Variants in CDHR2 observed in about 807,000 individuals in gnomAD.
CDHR2 encodes cadherin-related family member 2.
A neutral mutation model predicts 138.6 loss-of-function variants in CDHR2; 104 were observed. The observed-to-expected ratio is 0.75, with a 90% CI of 0.64 to 0.88. The LOEUF is 0.88. CDHR2 is among the 40% of genes least tolerant of loss of function. The pLI, the probability that CDHR2 is intolerant of heterozygous loss-of-function variation, is 0.00. For missense variants in CDHR2, 1,624 were observed against 1,727.6 expected (o/e 0.94, Z 1.06); for synonymous variants, 755 against 742.8 (o/e 1.02, Z -0.27).
chr5:176,576,726 A>G lies in CDHR2; in HGVS notation c.1194+541A>G, dbSNP rs897709895. 3.9e-5 allele frequency among the ~76,000 whole-genome samples: 6 copies of G among 151,926 alleles called. No homozygotes were observed. The highest frequency in any genetic ancestry group is 1.5e-4 in the African/African-American group (6 of 41,320). ...CAAGTAGCTGTGATTACAGGTGTGC[A>G]CCACCTCGCCCAGCTAATTTTTGTG... On this transcript the variant is annotated intron_variant, in intron 12 of 31. Transcript: ENST00000261944. The surrounding 1 kb of genome is among the most constrained non-coding windows in gnomAD (Gnocchi z 4.5).
Position 176,569,016 on chromosome 5 carries a change from T to C in CDHR2, c.315+6T>C. 1 of 1,614,006 alleles carries C rather than the reference T, an allele frequency of 6.2e-7. No homozygotes were observed. Among genetic ancestry groups the C allele is most frequent in the Non-Finnish European group, 8.5e-7 (1 of 1,179,960 alleles). On this transcript the variant is annotated splice_donor_region_variant and intron_variant, in intron 5 of 31. Coordinates refer to ENST00000261944, the MANE Select transcript of CDHR2 (RefSeq NM_017675.6). The stretch of plus-strand genomic sequence containing the variant: ...TGAGCGACCCCTACATCCAGGTGAG[T>C]TGGGAGGTGCAGGGGGGTAGACAGG...
At chr5:176,558,517 G>C (rs539571196) in intron 1 of CDHR2, among the ~76,000 whole-genome samples, 1 of 152,194 alleles carries the variant, frequency 6.6e-6, no homozygotes, top group South Asian at 2.1e-4. Context: ...CCAGGTAGCT[G>C]GGATTACAGG....
At chr5:176,545,133 G>A (rs1294036846), upstream of CDHR2, among the ~76,000 whole-genome samples, 2 of 151,894 alleles carry the variant, frequency 1.3e-5, no homozygotes, top group Non-Finnish European at 2.9e-5. Flanking sequence ...TGTGGGGGGT[G>A]GGGACAGAGT....
At chr5:176,588,149 G>A (rs1280854977) in intron 21 of CDHR2, among the ~76,000 whole-genome samples, 1 of 152,160 alleles carries the variant, frequency 6.6e-6, no homozygotes, top group African/African-American at 2.4e-5. Flanking sequence ...CGGAAATGAG[G>A]GATCCCAGGG....
intron 1 of CDHR2, among the ~76,000 whole-genome samples, chr5:176,549,794 C>T (rs1005054623): frequency 2.0e-5 from 3 of 152,192 alleles, no homozygotes; most frequent in Non-Finnish European, 4.4e-5. Context: ...ACCCCAGCTG[C>T]TCGGTTCACA....
chr5:176,581,283 G>T, intron 16 of CDHR2, 60 bp from the exon 17 acceptor site: 1 of 1,598,052 alleles, frequency 6.3e-7, no homozygotes, highest in African/African-American at 1.3e-5. Context: ...CGGCTGCATC[G>T]GAGGGGCTGG....
At position 176,575,125 on chromosome 5, in the gene CDHR2, C is replaced by A. The variant is rs373901664; in HGVS notation, c.537C>A (p.Ile179=). 1 of 1,614,206 alleles carries A rather than the reference C, an allele frequency of 6.2e-7. No homozygotes were observed. Among genetic ancestry groups the A allele is most frequent in the Non-Finnish European group, 8.5e-7 (1 of 1,180,040 alleles). The change falls in exon 8 of 32, where the codon ATC becomes ATA. Residue 179 remains isoleucine (I), a synonymous_variant. Coordinates refer to ENST00000261944, the MANE Select transcript of CDHR2 (RefSeq NM_017675.6). ...GGGACAGCGAGCATCTCTTCCGGAT[C>A]CTGGCCAATGGCTCCATAGTCCTCA... ...STGDSEHLFR[I]LANGSIVLNG...
intron 1 of CDHR2, among the ~76,000 whole-genome samples, chr5:176,557,230 G>A (rs1016125668): frequency 1.3e-5 from 2 of 150,774 alleles, no homozygotes; most frequent in African/African-American, 4.9e-5. Context: ...TTTTGAGACA[G>A]GATCTCACTC....
In CDHR2 at chr5:176,580,146, TCA is replaced by T. The variant is rs112291493; in HGVS notation, c.1819-1187_1819-1186del. 6.0e-5 allele frequency among the ~76,000 whole-genome samples: 9 copies of T among 149,906 alleles called. 1 individual carries two copies. The highest frequency in any genetic ancestry group is 6.9e-3 in the Middle Eastern group (2 of 290). On this transcript the variant is annotated intron_variant, in intron 16 of 31. Transcript: ENST00000261944. ...CTCACGCACGCACTCACACACGCAC[TCA>T]CACACACACTCACACACGCACTCAC...
chr5:176,581,084 C>T (rs951963745), intron 16 of CDHR2, among the ~76,000 whole-genome samples: 8 of 152,108 alleles, frequency 5.3e-5, no homozygotes, highest in South Asian at 4.1e-4. Flanking sequence ...GCACCTGGAA[C>T]GGGGCTGGGC....
At chr5:176,579,697 A>G (rs757051080) in intron 16 of CDHR2, among the ~76,000 whole-genome samples, 1 of 152,232 alleles carries the variant, frequency 6.6e-6, no homozygotes, top group Non-Finnish European at 1.5e-5. Context: ...AGGTCCCAGC[A>G]GAATGAAATG....
At chr5:176,588,573 G>A (rs1163640252) in intron 21 of CDHR2, among the ~76,000 whole-genome samples, 1 of 145,754 alleles carries the variant, frequency 6.9e-6, no homozygotes, top group Non-Finnish European at 1.5e-5. Context: ...CAGTGTGTGA[G>A]AGTGTGTGTG....
At chr5:176,560,071 C>T (rs1757931440) in intron 1 of CDHR2, among the ~76,000 whole-genome samples, 2 of 152,104 alleles carry the variant, frequency 1.3e-5, no homozygotes, top group African/African-American at 4.8e-5. Context: ...AGCAAGGCCC[C>T]AAAGATGTCA....
chr5:176,555,165 G>A (rs1757793646), intron 1 of CDHR2, among the ~76,000 whole-genome samples: 1 of 152,178 alleles, frequency 6.6e-6, no homozygotes, highest in Admixed American at 6.5e-5. Context: ...AATCACTCAC[G>A]GTCAACAACT....
At chr5:176,591,506 C>G in intron 30 of CDHR2, 22 bp downstream of exon 30, 1 of 1,575,264 alleles carries the variant, frequency 6.3e-7, no homozygotes, top group Non-Finnish European at 8.7e-7. Context: ...CCCTCACAGC[C>G]AGGCTAGGTG....
chr5:176,589,764 C>T, intron 24 of CDHR2, 148 bp downstream of exon 24: 1 of 735,240 alleles, frequency 1.4e-6, no homozygotes, highest in East Asian at 2.7e-5. Flanking sequence ...CTTTCACCTG[C>T]ACGACGTTCT....
rs746295017 is a variant in CDHR2, at chr5:176,591,264, A to G, written c.3594A>G (p.Ala1198=). The G allele has an allele frequency of 1.9e-6, 3 of 1,614,062 alleles. No individual in the cohort carries two copies. Among genetic ancestry groups the G allele is most frequent in the Non-Finnish European group, 2.5e-6 (3 of 1,180,024 alleles). The change falls in exon 29 of 32, where the codon GCA becomes GCG. Residue 1198 remains alanine, a synonymous_variant. Transcript: ENST00000261944. ...CTGCCAAGGAGGCCAGGAAGACAGC[A>G]GCAGGGGTGATGCCCTCAGCCCCTG... ...MKAAKEARKT[A]AGVMPSAPAI...
intron 1 of CDHR2, among the ~76,000 whole-genome samples, chr5:176,563,078 T>C (rs917308975): frequency 1.3e-5 from 2 of 152,186 alleles, no homozygotes; most frequent in Non-Finnish European, 2.9e-5. Context: ...CTGGGCGCAG[T>C]GGCTCACACC....
intron 21 of CDHR2, 95 bp from the exon 22 acceptor site, chr5:176,588,936 C>T: frequency 7.4e-7 from 1 of 1,350,890 alleles, no homozygotes; most frequent in Non-Finnish European, 1.0e-6. Flanking sequence ...CGGTGAGGGC[C>T]AGCCTCCCAG....
Sources: gnomAD v4.1 joint callset for allele counts (sites outside exome capture counted in the v4.1 genomes callset) on GRCh38, gnomAD v4.1.1 for gene constraint, Gnocchi (gnomAD v3.1) non-coding constraint, MANE v1.5 for transcripts, NCBI Gene and HGNC (gene_info 2026-07-23, HGNC 2026-07-21) for gene names.